GMFB: variants seen among roughly 807,000 people sequenced by gnomAD.
GMFB encodes GMF-beta.
Under a neutral mutation model 25.6 loss-of-function variants are expected in GMFB, and 13 were observed. That is an observed-to-expected ratio of 0.51 (90% CI 0.33 to 0.81). The LOEUF (loss-of-function observed/expected upper bound fraction) is 0.81. Ranked by LOEUF, GMFB falls within the 30% of genes least tolerant of loss-of-function variation. The pLI, the probability that GMFB is intolerant of heterozygous loss-of-function variation, is 0.02. For synonymous variants in GMFB, 57 were observed against 56.9 expected (o/e 1.00, Z 0.00); for missense variants, 146 against 175.4 (o/e 0.83, Z 0.95).
rs188341588 is a variant in GMFB at position 54,481,240 on chromosome 14, C to T, written c.200+169G>A. ...GTTTTAAAAAGAAAATTATTCATCC[C>T]ACGAATAAACCAACTTTTCATTTTT... On this transcript the variant is annotated intron_variant, in intron 4 of 6. Transcript: ENST00000358056. 1,246 of 581,648 alleles carry T rather than the reference C, an allele frequency of 2.1e-3. 3 individuals carry two copies. Among genetic ancestry groups the T allele is most frequent in the Middle Eastern group, 4.6e-3 (14 of 3,050 alleles). 36.0% of individuals were successfully genotyped at this position (581,648 alleles called of 1,614,324 possible).
chr14:54,483,613 T>C (rs1594634352), intron 2 of GMFB, 58 bp downstream of exon 2: 1 of 870,518 alleles, frequency 1.1e-6, no homozygotes, highest in East Asian at 2.4e-5. Context: ...TCAATGTAGC[T>C]ACAAGATTAA....
chr14:54,483,830 A>T (rs2031746342), intron 1 of GMFB, 63 bp from the exon 2 acceptor site: 1 of 874,080 alleles, frequency 1.1e-6, no homozygotes, highest in Admixed American at 1.8e-5. Context: ...TGTTAAAGTT[A>T]TGAAACCTAA....
At chr14:54,488,903 C>T (rs2031827570) in intron 1 of GMFB, 22 bp downstream of exon 1, 3 of 1,557,704 alleles carry the variant, frequency 1.9e-6, no homozygotes, top group South Asian at 1.2e-5. Context: ...CTCCGGCCCC[C>T]GCCCTCCCAG....
At chr14:54,479,754 G>A in intron 6 of GMFB, 32 bp downstream of exon 6, 1 of 1,271,792 alleles carries the variant, frequency 7.9e-7, no homozygotes, top group Non-Finnish European at 1.2e-6. Flanking sequence ...GGAAAATATT[G>A]TCTCAACAAG....
At chr14:54,480,269 C>T (rs924572068) in intron 5 of GMFB, 2 of 159,930 alleles carry the variant, frequency 1.3e-5, no homozygotes, top group African/African-American at 4.8e-5. Flanking sequence ...TTCACTCTGC[C>T]GATATATTAA....
At chr14:54,483,457 TA>T in intron 2 of GMFB, 3 of 528,362 alleles carry the variant, frequency 5.7e-6, no homozygotes, top group South Asian at 2.3e-5. Flanking sequence ...AGGCAGCTGA[TA>T]AAAGGACTAT....
rs1235204356 is a variant in GMFB at position 54,476,105 on chromosome 14, T to C, written c.*1983A>G. ...ATCTGTTGTCTTGCCAAAAACATGTTATTAATTAGGAGTCAGACAAGCTCA... is the reference window on the plus strand; with the variant it reads ...ATCTGTTGTCTTGCCAAAAACATGTCATTAATTAGGAGTCAGACAAGCTCA... On this transcript the variant is annotated 3_prime_UTR_variant, in exon 7 of 7. Coordinates refer to ENST00000358056, the MANE Select transcript of GMFB (RefSeq NM_004124.3). 6.6e-6 allele frequency: 1 copy of C among 152,070 alleles called. No homozygotes were observed. Among genetic ancestry groups the C allele is most frequent in the Non-Finnish European group, 1.5e-5 (1 of 67,944 alleles). The allele number at this position is 152,070 out of a possible 1,614,324, so 9.4% of individuals were successfully genotyped here.
At chr14:54,485,750 T>C (rs2031772624) in intron 1 of GMFB, among the ~76,000 whole-genome samples, 1 of 152,148 alleles carries the variant, frequency 6.6e-6, no homozygotes, top group African/African-American at 2.4e-5. Flanking sequence ...CTTCAAAATA[T>C]ACTACAAAAC....
In GMFB at chr14:54,482,170, G is replaced by T; in HGVS notation, c.133C>A (p.Leu45Met). The T allele has an allele frequency of 6.2e-7, 1 of 1,600,882 alleles. No individual in the cohort carries two copies. The highest frequency in any genetic ancestry group is 8.6e-7 in the Non-Finnish European group (1 of 1,168,320). The change falls in exon 3 of 7, where the codon CTG (leucine) becomes ATG (methionine). Residue 45 changes from leucine (L) to methionine (M), a missense_variant. By Grantham distance (15) the Leu-to-Met change is conservative. Transcript: ENST00000358056. The part of the protein sequence containing the change: ...KIDKDKRLVV[L>M]DEELEGISPD... Reference sequence around the variant, plus strand: ...GAACAAACCTCAAGCTCCTCATCCAGTACCACCAGGCGTTTATCCTTGTCA... The same window carrying T: ...GAACAAACCTCAAGCTCCTCATCCATTACCACCAGGCGTTTATCCTTGTCA...
At position 54,476,584 on chromosome 14, in the gene GMFB, A is replaced by G. The variant is rs995117914; in HGVS notation, c.*1504T>C. ...AGCACTTCCTCATCTCCAACTTTCT[A>G]TTGCTTCCTGACTTCTAAATTAGTG... On this transcript the variant is annotated 3_prime_UTR_variant, in exon 7 of 7. Transcript: ENST00000358056. The G allele has an allele frequency of 6.6e-6, 1 of 152,048 alleles. No individual in the cohort carries two copies. Among genetic ancestry groups the G allele is most frequent in the South Asian group, 2.1e-4 (1 of 4,834 alleles). The allele number at this position is 152,048 out of a possible 1,614,324, so 9.4% of individuals were successfully genotyped here.
At position 54,488,954 on chromosome 14, in the gene GMFB, C is replaced by A. The variant is rs1350335111; in HGVS notation, c.-27G>T. The A allele has an allele frequency of 1.3e-6, 2 of 1,557,912 alleles. No homozygotes were observed. Among genetic ancestry groups the A allele is most frequent in the Non-Finnish European group, 1.7e-6 (2 of 1,154,868 alleles). On this transcript the variant is annotated 5_prime_UTR_variant, in exon 1 of 7. Coordinates refer to ENST00000358056, the MANE Select transcript of GMFB (RefSeq NM_004124.3). ...TTCCTTCCGGCCGTCAGCGGCCTGT[C>A]GCCTACACTCGGGCGCCTTTAAGAA...
chr14:54,480,192 C>G (rs10139223), intron 5 of GMFB: 31,619 of 204,506 alleles, frequency 0.15, 2,849 homozygotes, highest in African/African-American at 0.23. Flanking sequence ...TTATGGATGA[C>G]TAAAATACAC....
intron 1 of GMFB, chr14:54,488,564 AG>A: frequency 3.9e-6 from 1 of 255,716 alleles, no homozygotes; most frequent in Non-Finnish European, 7.4e-6. Context: ...GCAGGAATTG[AG>A]GGAGCCCTCC....
intron 1 of GMFB, among the ~76,000 whole-genome samples, chr14:54,485,657 G>A (rs1594635151): frequency 1.3e-5 from 2 of 152,258 alleles, no homozygotes; most frequent in East Asian, 3.9e-4. Context: ...AAAAGCAAGA[G>A]AGAAAAGATC....
intron 5 of GMFB, chr14:54,480,447 A>G (rs2031695373): frequency 6.3e-6 from 1 of 158,830 alleles, no homozygotes; most frequent in Non-Finnish European, 1.4e-5. Context: ...TTAATACCCA[A>G]TGTAAATTAC....
rs533061760 is a variant in GMFB, at chr14:54,475,856, T to C, written c.*2232A>G. Reference sequence around the variant, plus strand: ...AATGGGAATGGTTGTACCAGAAAGATAACGGAATGTAAAAACTGGAATTAT... The same window carrying C: ...AATGGGAATGGTTGTACCAGAAAGACAACGGAATGTAAAAACTGGAATTAT... On this transcript the variant is annotated 3_prime_UTR_variant, in exon 7 of 7. Transcript: ENST00000358056. 2.0e-5 allele frequency: 3 copies of C among 152,174 alleles called. No homozygotes were observed. The highest frequency in any genetic ancestry group is 1.9e-4 in the East Asian group (1 of 5,170). The allele number at this position is 152,174 out of a possible 1,614,324, so 9.4% of individuals were successfully genotyped here.
intron 1 of GMFB, chr14:54,484,005 T>C (rs1246369134): frequency 1.7e-6 from 1 of 604,014 alleles, no homozygotes; most frequent in South Asian, 1.6e-5. Flanking sequence ...AACTTTCTCT[T>C]TGGCTAATGA....
chr14:54,483,891 T>A, intron 1 of GMFB, 124 bp from the exon 2 acceptor site: 1 of 715,472 alleles, frequency 1.4e-6, no homozygotes, highest in East Asian at 2.7e-5. Flanking sequence ...AGTGAAAGCA[T>A]TAAATACATG....
intron 2 of GMFB, chr14:54,483,354 T>C: frequency 4.3e-6 from 1 of 234,106 alleles, no homozygotes; most frequent in Non-Finnish European, 8.4e-6. Context: ...AGGCTATTTT[T>C]AGTCCCCCAA....
Sources: gnomAD v4.1 joint callset for allele counts (sites outside exome capture counted in the v4.1 genomes callset) on GRCh38, gnomAD v4.1.1 for gene constraint, MANE v1.5 for transcripts, NCBI Gene and HGNC (gene_info 2026-07-23, HGNC 2026-07-21) for gene names.